GUCY1A2: variants seen among roughly 807,000 people sequenced by gnomAD.
GUCY1A2 encodes the protein guanylate cyclase 1 soluble subunit alpha 2, also known as guanylate cyclase soluble subunit alpha-2.
A neutral mutation model predicts 63.5 loss-of-function variants in GUCY1A2; 27 were observed. The ratio of observed to expected loss-of-function variants is 0.43; its 90% CI spans 0.31 to 0.59. GUCY1A2 has a LOEUF of 0.59. Among genes scored for constraint, GUCY1A2 ranks in the 20% least tolerant of loss-of-function variants. The pLI, the probability that GUCY1A2 is intolerant of heterozygous loss-of-function variation, is 0.11. For missense variants in GUCY1A2, 768 were observed against 913.3 expected (o/e 0.84, Z 2.05); for synonymous variants, 364 against 343.5 (o/e 1.06, Z -0.66).
intron 3 of GUCY1A2, among the ~76,000 whole-genome samples, chr11:106,973,969 G>T (rs573022282): frequency 6.6e-6 from 1 of 152,022 alleles, no homozygotes; most frequent in East Asian, 1.9e-4. Flanking sequence ...TCTCCATTTT[G>T]CAAATAAGAA....
rs149966897 is a variant in GUCY1A2 at position 106,706,497 on chromosome 11, A to G, written c.1991+2015T>C. Among the ~76,000 whole-genome samples the G allele has an allele frequency of 4.5e-3, 684 of 151,606 alleles. 4 individuals are homozygous for G. Among genetic ancestry groups the G allele is most frequent in the African/African-American group, 0.016 (662 of 41,138 alleles). On this transcript the variant is annotated intron_variant, in intron 7 of 7. Transcript: ENST00000526355. ...ATCATAAACTGTGAAAAAGACTACA[A>G]AAACTCTGAGTCACCACCAAAATGC...
intron 6 of GUCY1A2, among the ~76,000 whole-genome samples, chr11:106,714,961 G>T (rs4423153): frequency 6.6e-6 from 1 of 151,976 alleles, no homozygotes; most frequent in African/African-American, 2.4e-5. Context: ...ACAAAGCATA[G>T]TAGACTTTAT....
intron 6 of GUCY1A2, among the ~76,000 whole-genome samples, chr11:106,768,876 T>G (rs1864207233): frequency 2.0e-5 from 3 of 152,018 alleles, no homozygotes; most frequent in Non-Finnish European, 4.4e-5. Flanking sequence ...GCCTAAGAAT[T>G]CCTAGGGCAA....
intron 4 of GUCY1A2, among the ~76,000 whole-genome samples, chr11:106,821,272 A>C (rs77856779): frequency 0.023 from 3,566 of 152,306 alleles, 63 homozygotes; most frequent in Admixed American, 0.035. Context: ...ACAAGCATTA[A>C]ATTTTATGCT....
intron 6 of GUCY1A2, among the ~76,000 whole-genome samples, chr11:106,772,760 A>C (rs909520021): frequency 2.0e-5 from 3 of 152,190 alleles, no homozygotes; most frequent in African/African-American, 7.2e-5. Flanking sequence ...TCCATAAAAG[A>C]AAATCCAACA....
chr11:106,745,921 G>A (rs1164558701), intron 6 of GUCY1A2, among the ~76,000 whole-genome samples: 1 of 152,146 alleles, frequency 6.6e-6, no homozygotes, highest in Non-Finnish European at 1.5e-5. Flanking sequence ...CTTCTTGTAG[G>A]CTTTTGCTTT....
intron 6 of GUCY1A2, among the ~76,000 whole-genome samples, chr11:106,716,116 C>G (rs539131478): frequency 6.6e-6 from 1 of 152,226 alleles, no homozygotes; most frequent in African/African-American, 2.4e-5. Context: ...GATCCTAAAG[C>G]CTGAAGAGCT....
intron 5 of GUCY1A2, among the ~76,000 whole-genome samples, chr11:106,777,504 A>C (rs982959544): frequency 6.6e-6 from 1 of 152,012 alleles, no homozygotes; most frequent in African/African-American, 2.4e-5. Context: ...GCAGCCATGA[A>C]AAAGGATGAG....
rs184165416 is a variant in GUCY1A2 at position 106,687,716 on chromosome 11, A to G, written c.2032T>C (p.Ser678Pro). Reference sequence around the variant, plus strand: ...AAGTTGTCTGGAAGCTCTTCACGAGACCGCGGAATGAATGTGAAACTTTCT... The same window carrying G: ...AAGTTGTCTGGAAGCTCTTCACGAGGCCGCGGAATGAATGTGAAACTTTCT... ...REESFTFIPR[S>P]REELPDNFPK... The change falls in exon 8 of 8, where the codon TCT becomes CCT. Residue 678 changes from serine (S) to proline (P), a missense_variant. Ser to Pro is a moderately conservative substitution (Grantham distance 74, BLOSUM62 -1). This residue lies in a region of GUCY1A2 where 150 missense variants were observed against 188.3 expected (regional missense o/e 0.80). Coordinates refer to ENST00000526355, the MANE Select transcript of GUCY1A2 (RefSeq NM_000855.3). 1.1e-5 allele frequency: 18 copies of G among 1,610,628 alleles called. No individual in the cohort carries two copies. The East Asian group carries it at 3.3e-4, about 30-fold the overall frequency.
chr11:106,740,240 C>G (rs1173022797), intron 6 of GUCY1A2, among the ~76,000 whole-genome samples: 1 of 151,736 alleles, frequency 6.6e-6, no homozygotes, highest in Non-Finnish European at 1.5e-5. Context: ...CCTCAGGTGA[C>G]CCACGTGCCT....
chr11:106,887,633 C>CT (rs1859917038), intron 4 of GUCY1A2, among the ~76,000 whole-genome samples: 1 of 152,190 alleles, frequency 6.6e-6, no homozygotes, highest in African/African-American at 2.4e-5. Flanking sequence ...CTGAGTCACA[C>CT]TATTGAGTCC....
chr11:106,820,782 TGAG>T (rs1222272167), intron 4 of GUCY1A2, among the ~76,000 whole-genome samples: 4 of 152,122 alleles, frequency 2.6e-5, no homozygotes, highest in Admixed American at 6.5e-5. Flanking sequence ...AGTGTATGTG[TGAG>T]GAGGGGATAT....
chr11:106,834,417 G>A (rs7950084), intron 4 of GUCY1A2, among the ~76,000 whole-genome samples: 246 of 152,064 alleles, frequency 1.6e-3, no homozygotes, highest in Non-Finnish European at 2.9e-3. Context: ...GCACAAAGTA[G>A]CAAGAATCAG....
chr11:106,703,414 G>A (rs1862851078), intron 7 of GUCY1A2, among the ~76,000 whole-genome samples: 1 of 152,118 alleles, frequency 6.6e-6, no homozygotes, highest in South Asian at 2.1e-4. Context: ...TATCCAGTGG[G>A]CCTGACATAA....
chr11:106,744,916 C>G (rs1240975921), intron 6 of GUCY1A2, among the ~76,000 whole-genome samples: 1 of 152,084 alleles, frequency 6.6e-6, no homozygotes, highest in Non-Finnish European at 1.5e-5. Flanking sequence ...ACTACTTTGA[C>G]ATTTCTGAAA....
chr11:106,770,430 G>A (rs1210961618), intron 6 of GUCY1A2, among the ~76,000 whole-genome samples: 1 of 152,112 alleles, frequency 6.6e-6, no homozygotes, highest in Non-Finnish European at 1.5e-5. Context: ...TGGATATGGA[G>A]TGCCAACTGT....
chr11:106,909,184 T>G (rs1860256413), intron 4 of GUCY1A2, among the ~76,000 whole-genome samples: 1 of 151,946 alleles, frequency 6.6e-6, no homozygotes, highest in Non-Finnish European at 1.5e-5. Flanking sequence ...CTTTTTATTT[T>G]GAGATAATTA....
chr11:106,708,004 G>T (rs1297118385), intron 7 of GUCY1A2, among the ~76,000 whole-genome samples: 9 of 151,920 alleles, frequency 5.9e-5, no homozygotes, highest in Non-Finnish European at 2.9e-5. Context: ...CAGGTAATAT[G>T]CACAAATATT....
intron 4 of GUCY1A2, among the ~76,000 whole-genome samples, chr11:106,877,973 C>A (rs1287463564): frequency 6.6e-6 from 1 of 151,460 alleles, no homozygotes; most frequent in African/African-American, 2.4e-5. Flanking sequence ...GGACAAAGGA[C>A]ATAAACAGAC....
Sources: allele counts gnomAD v4.1 joint callset (sites outside exome capture counted in the v4.1 genomes callset), GRCh38; gene constraint gnomAD v4.1.1; regional missense constraint gnomAD v4.1.1; transcripts MANE v1.5; gene names NCBI Gene and HGNC (gene_info 2026-07-23, HGNC 2026-07-21).